The following LINGO2 variants were observed in gnomAD, a reference collection of about 807,000 sequenced individuals.
LINGO2 encodes the protein leucine-rich repeat and immunoglobulin-like domain-containing nogo receptor-interacting protein 2.
A neutral mutation model predicts 30.6 loss-of-function variants in LINGO2; 14 were observed. The ratio of observed to expected loss-of-function variants is 0.46; its 90% CI spans 0.30 to 0.72. LINGO2 has a LOEUF of 0.72. LINGO2 is among the 30% of genes least tolerant of loss of function. The pLI, the probability that LINGO2 is intolerant of heterozygous loss-of-function variation, is 0.07. For missense variants in LINGO2, 729 were observed against 751.7 expected, an observed-to-expected ratio of 0.97 and a Z score of 0.35; for synonymous variants, 317 against 288.5, an observed-to-expected ratio of 1.10 and a Z score of -1.00.
At chr9:27,982,093 A>AT (rs1225304584) in intron 5 of LINGO2, among the ~76,000 whole-genome samples, 2 of 151,810 alleles carry the variant, frequency 1.3e-5, no homozygotes, top group African/African-American at 2.4e-5. Flanking sequence ...AGCCTGCCTT[A>AT]TATTTAGTGG....
At chr9:28,144,966 T>G (rs775578310) in intron 4 of LINGO2, among the ~76,000 whole-genome samples, 4 of 152,168 alleles carry the variant, frequency 2.6e-5, no homozygotes, top group Non-Finnish European at 4.4e-5. Flanking sequence ...AAGGTGAGAT[T>G]TTAATACCCA....
intron 1 of LINGO2, among the ~76,000 whole-genome samples, chr9:28,517,579 G>T (rs980865072): frequency 1.3e-5 from 2 of 152,140 alleles, no homozygotes; most frequent in African/African-American, 4.8e-5. Context: ...CTGGTAAATT[G>T]CATTTTAATT....
At chr9:28,237,780 G>C (rs1357708648) in intron 4 of LINGO2, among the ~76,000 whole-genome samples, 1 of 152,142 alleles carries the variant, frequency 6.6e-6, no homozygotes, top group Non-Finnish European at 1.5e-5. Context: ...CTTGAACCTA[G>C]GAGGTGGAGG....
the LINGO2 span, among the ~76,000 whole-genome samples, chr9:28,950,829 T>A: frequency 2.6e-5 from 4 of 152,134 alleles, no homozygotes; most frequent in Non-Finnish European, 5.9e-5. Flanking sequence ...CTGCCCGAAG[T>A]AATTTATAGA....
chr9:28,864,325 C>T, the LINGO2 span, among the ~76,000 whole-genome samples: 1 of 151,974 alleles, frequency 6.6e-6, no homozygotes, highest in African/African-American at 2.4e-5. Flanking sequence ...CATATGACTG[C>T]TGAAGTCCAA....
At chr9:28,666,312 A>G (rs963227622) in intron 1 of LINGO2, among the ~76,000 whole-genome samples, 1 of 152,200 alleles carries the variant, frequency 6.6e-6, no homozygotes, top group African/African-American at 2.4e-5. Flanking sequence ...GTACTTCTGC[A>G]GAGACATACA....
chr9:28,560,977 ATTC>A (rs1454210583), intron 1 of LINGO2, among the ~76,000 whole-genome samples: 3 of 152,110 alleles, frequency 2.0e-5, no homozygotes, highest in African/African-American at 7.2e-5. Flanking sequence ...ACCTGGCCTC[ATTC>A]TTCTTCTTAA....
the LINGO2 span, among the ~76,000 whole-genome samples, chr9:29,203,342 C>T: frequency 6.6e-6 from 1 of 152,134 alleles, no homozygotes; most frequent in South Asian, 2.1e-4. Context: ...TACACAACTA[C>T]TTGGAAGGAA....
intron 3 of LINGO2, among the ~76,000 whole-genome samples, chr9:28,368,748 C>T (rs1820780855): frequency 6.6e-6 from 1 of 151,974 alleles, no homozygotes; most frequent in South Asian, 2.1e-4. Context: ...AGGCGCCCGC[C>T]ACCACGCCCG....
At chr9:28,432,841 G>A (rs1034312859) in intron 2 of LINGO2, among the ~76,000 whole-genome samples, 1 of 152,026 alleles carries the variant, frequency 6.6e-6, no homozygotes, top group Non-Finnish European at 1.5e-5. Context: ...GTTGACTTCA[G>A]CTTGACTACA....
At chr9:28,999,512 CTATT>C in the LINGO2 span, among the ~76,000 whole-genome samples, 3 of 151,968 alleles carry the variant, frequency 2.0e-5, no homozygotes, top group South Asian at 2.1e-4. Context: ...GACTAATAAA[CTATT>C]CATTCTATAA....
chr9:28,325,856 C>T (rs34333726), intron 3 of LINGO2, among the ~76,000 whole-genome samples: 8,565 of 152,166 alleles, frequency 0.056, 361 homozygotes, highest in African/African-American at 0.12. Context: ...ATCCTATTAG[C>T]TCACACCAGG....
At chr9:28,445,328 C>T (rs976986466) in intron 2 of LINGO2, among the ~76,000 whole-genome samples, 4 of 152,162 alleles carry the variant, frequency 2.6e-5, no homozygotes, top group African/African-American at 9.7e-5. Flanking sequence ...GCTGGAGATA[C>T]ATGGTCCCTA....
chr9:28,533,789 C>T (rs752857668), intron 1 of LINGO2, among the ~76,000 whole-genome samples: 2 of 151,960 alleles, frequency 1.3e-5, no homozygotes, highest in African/African-American at 2.4e-5. Context: ...CAGAACAGTA[C>T]CTGAATTAAA....
chr9:28,637,267 C>G (rs1827326884), intron 1 of LINGO2, among the ~76,000 whole-genome samples: 2 of 152,076 alleles, frequency 1.3e-5, no homozygotes, highest in South Asian at 4.1e-4. Flanking sequence ...ATGCCTCCAG[C>G]TTTGTTCTTT....
chr9:28,708,557 C>T, the LINGO2 span, among the ~76,000 whole-genome samples: 1 of 152,000 alleles, frequency 6.6e-6, no homozygotes, highest in Non-Finnish European at 1.5e-5. Flanking sequence ...CTTGGTTAAC[C>T]CTCTTCCAGT....
At chr9:29,182,688 GTT>G in the LINGO2 span, among the ~76,000 whole-genome samples, 2,692 of 147,182 alleles carry the variant, frequency 0.018, 89 homozygotes, top group African/African-American at 0.062. Context: ...AAATCTGTAG[GTT>G]TTTTTTTTTT....
chr9:28,931,681 GTTGAGGAAACATA>G, the LINGO2 span, among the ~76,000 whole-genome samples: 1 of 152,166 alleles, frequency 6.6e-6, no homozygotes, highest in Non-Finnish European at 1.5e-5. Flanking sequence ...AAGAGCTTAG[GTTGAGGAAACATA>G]GGATTGGAAT....
At chr9:28,755,866 T>C in the LINGO2 span, among the ~76,000 whole-genome samples, 1 of 152,076 alleles carries the variant, frequency 6.6e-6, no homozygotes. Flanking sequence ...GTGGAGATAA[T>C]AGCAACCTCA....
Sources: allele counts gnomAD v4.1 joint callset (sites outside exome capture counted in the v4.1 genomes callset), GRCh38; gene constraint gnomAD v4.1.1; transcripts MANE v1.5; gene names NCBI Gene and HGNC (gene_info 2026-07-23, HGNC 2026-07-21).